The following MAN2A1 variants were observed in gnomAD, a reference collection of about 807,000 sequenced individuals.
The protein encoded by MAN2A1 is alpha-mannosidase 2.
Under a neutral mutation model 142.6 loss-of-function variants are expected in MAN2A1, and 76 were observed. That is an observed-to-expected ratio of 0.53 (90% CI 0.44 to 0.65). The LOEUF (loss-of-function observed/expected upper bound fraction) is 0.65. Ranked by LOEUF, MAN2A1 falls within the 30% of genes least tolerant of loss-of-function variation. MAN2A1 has a pLI of 0.00. For synonymous variants in MAN2A1, 559 were observed against 473.2 expected (o/e 1.18, Z -2.35); for missense variants, 1,311 against 1,365.1 (o/e 0.96, Z 0.62).
At chr5:109,734,106 C>A (rs377243555) in intron 4 of MAN2A1, among the ~76,000 whole-genome samples, 1 of 151,402 alleles carries the variant, frequency 6.6e-6, no homozygotes, top group African/African-American at 2.4e-5. Context: ...TGTATGTGTC[C>A]AGGAATTTAT....
At chr5:109,836,081 TC>T (rs1392801949) in intron 16 of MAN2A1, among the ~76,000 whole-genome samples, 1 of 151,900 alleles carries the variant, frequency 6.6e-6, no homozygotes, top group Non-Finnish European at 1.5e-5. Flanking sequence ...CTCCAGTTTT[TC>T]TTTTAATAAT....
intron 1 of MAN2A1, among the ~76,000 whole-genome samples, chr5:109,712,349 T>C (rs1751324705): frequency 6.6e-6 from 1 of 152,194 alleles, no homozygotes; most frequent in Non-Finnish European, 1.5e-5. Flanking sequence ...TCACCACTTC[T>C]GAAAATACCT....
intron 12 of MAN2A1, among the ~76,000 whole-genome samples, chr5:109,808,474 A>C (rs1754230994): frequency 6.6e-6 from 1 of 152,046 alleles, no homozygotes; most frequent in Admixed American, 6.6e-5. Context: ...TAATAATGCA[A>C]CAAACATTTT....
At chr5:109,773,509 G>A (rs1392070893) in intron 7 of MAN2A1, among the ~76,000 whole-genome samples, 1 of 151,582 alleles carries the variant, frequency 6.6e-6, no homozygotes, top group Non-Finnish European at 1.5e-5. Flanking sequence ...CATTCTTCAT[G>A]TGTTTTTTAT....
intron 16 of MAN2A1, among the ~76,000 whole-genome samples, chr5:109,831,755 C>T (rs1754912117): frequency 6.6e-6 from 1 of 151,988 alleles, no homozygotes; most frequent in South Asian, 2.1e-4. Flanking sequence ...TTTTGTGGTT[C>T]AGAGCCTTGT....
chr5:109,769,100 C>T (rs952410213), intron 6 of MAN2A1, among the ~76,000 whole-genome samples: 1 of 152,050 alleles, frequency 6.6e-6, no homozygotes, highest in Non-Finnish European at 1.5e-5. Flanking sequence ...ATGTCCTTAT[C>T]CATAGGAGAG....
chr5:109,774,718 C>T, intron 7 of MAN2A1, 70 bp from the exon 8 acceptor site: 1 of 1,138,610 alleles, frequency 8.8e-7, no homozygotes, highest in Non-Finnish European at 1.3e-6. Context: ...CCTTTTTAAT[C>T]AATTGTCACA....
At chr5:109,784,021 A>G (rs889565584) in intron 9 of MAN2A1, among the ~76,000 whole-genome samples, 3 of 151,978 alleles carry the variant, frequency 2.0e-5, no homozygotes, top group Admixed American at 6.6e-5. Context: ...GCATGTCACT[A>G]CACCTGGCTA....
At chr5:109,705,947 C>G (rs1053668267) in intron 1 of MAN2A1, among the ~76,000 whole-genome samples, 1 of 152,136 alleles carries the variant, frequency 6.6e-6, no homozygotes, top group Admixed American at 6.5e-5. Context: ...CTCAGATATT[C>G]TAGGGTTTTC....
chr5:109,764,882 A>G (rs2112642153), intron 5 of MAN2A1, among the ~76,000 whole-genome samples: 1 of 152,276 alleles, frequency 6.6e-6, no homozygotes, highest in South Asian at 2.1e-4. Flanking sequence ...TTTAACTTAT[A>G]AGTGGCATCA....
intron 12 of MAN2A1, among the ~76,000 whole-genome samples, chr5:109,799,449 G>A (rs1365859122): frequency 6.6e-6 from 1 of 151,770 alleles, no homozygotes; most frequent in Non-Finnish European, 1.5e-5. Flanking sequence ...TACTACCTGG[G>A]GGGTTAAAAA....
At chr5:109,695,102 T>A (rs1327488999) in intron 1 of MAN2A1, among the ~76,000 whole-genome samples, 2 of 152,254 alleles carry the variant, frequency 1.3e-5, no homozygotes, top group Non-Finnish European at 2.9e-5. Context: ...CCAACAGCCC[T>A]GTGGGTCTCT....
intron 4 of MAN2A1, among the ~76,000 whole-genome samples, chr5:109,752,518 C>A (rs1246581598): frequency 6.6e-6 from 1 of 151,976 alleles, no homozygotes. Flanking sequence ...GGGTAGAGGT[C>A]GGGAGGGAAA....
chr5:109,795,563 C>T (rs752944054), intron 12 of MAN2A1, among the ~76,000 whole-genome samples: 2 of 152,064 alleles, frequency 1.3e-5, no homozygotes, highest in Non-Finnish European at 2.9e-5. Flanking sequence ...CTAAGATGTC[C>T]ACAAACTACA....
At chr5:109,702,837 C>T (rs1038611353) in intron 1 of MAN2A1, among the ~76,000 whole-genome samples, 1 of 152,172 alleles carries the variant, frequency 6.6e-6, no homozygotes, top group Non-Finnish European at 1.5e-5. Context: ...CTGTGTCTCA[C>T]CTTGCCCTTG....
At chr5:109,859,131 T>A (rs1755694553) in intron 20 of MAN2A1, among the ~76,000 whole-genome samples, 1 of 152,122 alleles carries the variant, frequency 6.6e-6, no homozygotes, top group South Asian at 2.1e-4. Context: ...AAAGTGAGAG[T>A]TAGAGCTAAG....
At position 109,826,709 on chromosome 5, in the gene MAN2A1, A is replaced by C. The variant is rs538365681; in HGVS notation, c.2566+2872A>C. ...ATGAAATCACTAATCAAGGCCCATG[A>C]TAGATATACGAAGTCTTCAGGGTAT... On this transcript the variant is annotated intron_variant, in intron 16 of 21. Coordinates refer to ENST00000261483, the MANE Select transcript of MAN2A1 (RefSeq NM_002372.4). Among the ~76,000 whole-genome samples the C allele has an allele frequency of 8.5e-5, 13 of 152,334 alleles. No homozygotes were observed. In the South Asian group the frequency reaches 2.7e-3, roughly 32 times the overall value.
intron 13 of MAN2A1, 121 bp downstream of exon 13, chr5:109,817,559 T>G (rs1423951652): frequency 1.1e-6 from 1 of 916,262 alleles, no homozygotes; most frequent in Non-Finnish European, 1.7e-6. Flanking sequence ...GTGATGAAAG[T>G]TGTAAATACC....
rs746810718 is a variant in MAN2A1, at chr5:109,744,779, G to GA, written c.708-10544dup. Among the ~76,000 whole-genome samples the GA allele has an allele frequency of 2.0e-5, 3 of 152,098 alleles. No homozygotes were observed. The East Asian group carries it at 5.8e-4, about 29-fold the overall frequency. ...TCCTAGCAATTTACCCAAGAGAAATGAAAAAATGTTCACAAAAAGACTTGT... is the reference window on the plus strand; with the variant it reads ...TCCTAGCAATTTACCCAAGAGAAATGAAAAAAATGTTCACAAAAAGACTTGT... On this transcript the variant is annotated intron_variant, in intron 4 of 21. Transcript: ENST00000261483.
Sources: allele counts gnomAD v4.1 joint callset (sites outside exome capture counted in the v4.1 genomes callset), GRCh38; gene constraint gnomAD v4.1.1; transcripts MANE v1.5; gene names NCBI Gene and HGNC (gene_info 2026-07-23, HGNC 2026-07-21).